The following NRG3 variants were observed in gnomAD, a reference collection of about 807,000 sequenced individuals.
NRG3 encodes neuregulin 3.
Under a neutral mutation model 66.9 loss-of-function variants are expected in NRG3, and 31 were observed. The observed-to-expected ratio is 0.46, with a 90% CI of 0.35 to 0.63. The LOEUF is 0.63. Among genes scored for constraint, NRG3 ranks in the 20% least tolerant of loss-of-function variants. The pLI is 0.00. For missense variants in NRG3, 910 were observed against 878.9 expected (o/e 1.04, Z -0.45); for synonymous variants, 393 against 359.4 (o/e 1.09, Z -1.06).
intron 1 of NRG3, among the ~76,000 whole-genome samples, chr10:82,284,055 A>G (rs915550699): frequency 2.6e-5 from 4 of 152,222 alleles, no homozygotes; most frequent in Admixed American, 2.6e-4. Flanking sequence ...TTGTTCCAAT[A>G]CAGACTGCAA....
chr10:82,330,162 C>T (rs1302557749), intron 1 of NRG3, among the ~76,000 whole-genome samples: 1 of 151,952 alleles, frequency 6.6e-6, no homozygotes, highest in Non-Finnish European at 1.5e-5. Context: ...TATTTATTTC[C>T]CTGGGCTAAT....
At chr10:82,297,549 A>G (rs1028758279) in intron 1 of NRG3, among the ~76,000 whole-genome samples, 1 of 152,274 alleles carries the variant, frequency 6.6e-6, no homozygotes, top group Admixed American at 6.5e-5. Flanking sequence ...AGAAAGAACA[A>G]GTGTAGCTCC....
intron 2 of NRG3, among the ~76,000 whole-genome samples, chr10:82,558,654 CA>C (rs1195215323): frequency 1.3e-4 from 20 of 152,156 alleles, no homozygotes; most frequent in African/African-American, 4.8e-4. Flanking sequence ...AGATGCATGA[CA>C]ACTCATAATG....
At chr10:82,214,810 G>A (rs2075580609) in intron 1 of NRG3, among the ~76,000 whole-genome samples, 1 of 152,062 alleles carries the variant, frequency 6.6e-6, no homozygotes, top group Admixed American at 6.6e-5. Flanking sequence ...TTTTATTTTT[G>A]ACAAAGACTT....
At chr10:82,132,479 G>GATATATATATATC (rs373794605) in intron 1 of NRG3, among the ~76,000 whole-genome samples, 7 of 62,466 alleles carry the variant, frequency 1.1e-4, no homozygotes, top group South Asian at 4.5e-4. Context: ...ATATATATAT[G>GATATATATATATC]ATATATATAT....
intron 2 of NRG3, among the ~76,000 whole-genome samples, chr10:82,738,157 A>G (rs1463027841): frequency 6.6e-6 from 1 of 152,196 alleles, no homozygotes; most frequent in Non-Finnish European, 1.5e-5. Context: ...CAAAATCAAT[A>G]ATAGATCCAT....
chr10:82,187,914 G>T (rs1367208906), intron 1 of NRG3, among the ~76,000 whole-genome samples: 1 of 151,548 alleles, frequency 6.6e-6, no homozygotes, highest in East Asian at 1.9e-4. Flanking sequence ...TATAGATTCA[G>T]TGTAATCCCT....
chr10:82,660,038 A>G (rs1359207037), intron 2 of NRG3, among the ~76,000 whole-genome samples: 1 of 151,574 alleles, frequency 6.6e-6, no homozygotes, highest in African/African-American at 2.4e-5. Context: ...TCTACTAAAA[A>G]TACAAAAATT....
At chr10:82,122,172 C>T (rs1204481113) in intron 1 of NRG3, among the ~76,000 whole-genome samples, 1 of 152,124 alleles carries the variant, frequency 6.6e-6, no homozygotes, top group Non-Finnish European at 1.5e-5. Flanking sequence ...GGAGTAAGTG[C>T]TCTATCCCTT....
chr10:82,952,063 C>G (rs898673377), intron 5 of NRG3, among the ~76,000 whole-genome samples: 30 of 152,264 alleles, frequency 2.0e-4, no homozygotes, highest in African/African-American at 6.5e-4. Context: ...AGTTGGTATG[C>G]ACATGTTGAA....
intron 1 of NRG3, among the ~76,000 whole-genome samples, chr10:81,879,120 A>G (rs960045781): frequency 6.6e-6 from 1 of 152,214 alleles, no homozygotes; most frequent in African/African-American, 2.4e-5. Context: ...TCCACCGTTT[A>G]GGCCGTGAGC....
chr10:82,938,591 G>A (rs1355102321), intron 4 of NRG3, among the ~76,000 whole-genome samples: 6 of 152,238 alleles, frequency 3.9e-5, no homozygotes, highest in African/African-American at 1.4e-4. Flanking sequence ...CTGTGGTAAA[G>A]GAGTTAGATT....
At chr10:82,445,139 GTT>G (rs10708276) in intron 2 of NRG3, among the ~76,000 whole-genome samples, 41 of 145,622 alleles carry the variant, frequency 2.8e-4, no homozygotes, top group East Asian at 1.6e-3. Context: ...CCCCATGCCA[GTT>G]TTTTTTTTTT....
intron 3 of NRG3, among the ~76,000 whole-genome samples, chr10:82,757,486 CG>C (rs2059126276): frequency 6.6e-6 from 1 of 152,034 alleles, no homozygotes. Flanking sequence ...GAAAATTCTT[CG>C]GGGAAGGAGC....
At chr10:82,634,159 A>C (rs2050027501) in intron 2 of NRG3, among the ~76,000 whole-genome samples, 1 of 152,190 alleles carries the variant, frequency 6.6e-6, no homozygotes. Flanking sequence ...TTGTAGAAGC[A>C]ATTTTCCAAG....
chr10:82,624,121 G>A (rs1184240748), intron 2 of NRG3, among the ~76,000 whole-genome samples: 1 of 152,090 alleles, frequency 6.6e-6, no homozygotes, highest in Non-Finnish European at 1.5e-5. Context: ...ATCTAGATAA[G>A]TGGCACACGT....
intron 4 of NRG3, among the ~76,000 whole-genome samples, chr10:82,921,277 T>G (rs748612297): frequency 6.6e-6 from 1 of 152,092 alleles, no homozygotes; most frequent in Non-Finnish European, 1.5e-5. Context: ...ACCCAACCAG[T>G]AATTCTCAAA....
At chr10:82,411,708 G>T (rs1469789899) in intron 2 of NRG3, among the ~76,000 whole-genome samples, 1 of 152,082 alleles carries the variant, frequency 6.6e-6, no homozygotes, top group African/African-American at 2.4e-5. Context: ...TCACTAAATT[G>T]TAAGATGCTC....
chr10:82,113,236 G>C (rs553729272), intron 1 of NRG3, among the ~76,000 whole-genome samples: 1 of 152,222 alleles, frequency 6.6e-6, no homozygotes, highest in African/African-American at 2.4e-5. Flanking sequence ...GATGGGAACT[G>C]TTTTACAGGT....
Sources: allele counts gnomAD v4.1 joint callset (sites outside exome capture counted in the v4.1 genomes callset), GRCh38; gene constraint gnomAD v4.1.1; transcripts MANE v1.5; gene names NCBI Gene and HGNC (gene_info 2026-07-23, HGNC 2026-07-21).